VWCE: variants seen among roughly 807,000 people sequenced by gnomAD.
VWCE encodes the protein von Willebrand factor C and EGF domain-containing protein.
VWCE carries 68 observed loss-of-function variants against 102.9 expected under a neutral mutation model. The ratio of observed to expected loss-of-function variants is 0.66; its 90% CI spans 0.54 to 0.81. The LOEUF (loss-of-function observed/expected upper bound fraction) is 0.81. VWCE is among the 30% of genes least tolerant of loss of function. The pLI is 0.00. For synonymous variants in VWCE, 497 were observed against 515.4 expected (o/e 0.96, Z 0.48); for missense variants, 1,137 against 1,263.6 (o/e 0.90, Z 1.52).
chr11:61,280,896 G>T lies in VWCE; in HGVS notation c.1127C>A (p.Ser376Tyr), dbSNP rs562553762. Residue 376 changes from serine (S) to tyrosine (Y), a missense_variant, in exon 8 of 20, where the codon TCC becomes TAC. Transcript: ENST00000335613. ...AGAGGGCCCTGCTGCCAGTCGGGGGGACTCAGGGCCCCTGGGTGAGGAAGG... is the reference window on the plus strand; with the variant it reads ...AGAGGGCCCTGCTGCCAGTCGGGGGTACTCAGGGCCCCTGGGTGAGGAAGG... ...GTPSSPRGPE[S>Y]PRLAAGPSPC... The T allele has an allele frequency of 1.9e-5, 29 of 1,531,084 alleles. No homozygotes were observed. The highest frequency in any genetic ancestry group is 5.5e-5 in the African/African-American group (4 of 72,220). 94.8% of individuals were successfully genotyped at this position (1,531,084 alleles called of 1,614,324 possible).
In VWCE at chr11:61,294,802, T is replaced by C. The variant is rs2134870745; in HGVS notation, c.110+126A>G. ...CGTCCCCGAGCTGTGCCCGCGCTGA[T>C]AGCACCCCAGAGGAAGCCCCGACAC... On this transcript the variant is annotated intron_variant, in intron 1 of 19. Coordinates refer to ENST00000335613, the MANE Select transcript of VWCE (RefSeq NM_152718.2). The surrounding 1 kb of genome is among the most constrained non-coding windows in gnomAD (Gnocchi z 6.3). The C allele has an allele frequency of 1.8e-6, 1 of 553,966 alleles. No homozygotes were observed. Among genetic ancestry groups the C allele is most frequent in the Non-Finnish European group, 2.8e-6 (1 of 353,004 alleles). 34.3% of individuals were successfully genotyped at this position (553,966 alleles called of 1,614,324 possible).
Position 61,259,190 on chromosome 11 carries a change from C to T in VWCE, c.2353G>A (p.Gly785Arg). 1.2e-6 allele frequency: 2 copies of T among 1,614,182 alleles called. No individual in the cohort carries two copies. The highest frequency in any genetic ancestry group is 1.7e-6 in the Non-Finnish European group (2 of 1,180,032). The stretch of plus-strand genomic sequence containing the variant: ...CTCGAGGGTGATGCTGTCGGGGGCC[C>T]AGGACAGGAGCTACAGTTGACAGGG... ...EAPVNCSSCP[G>R]PPTASPSRPV... Residue 785 changes from glycine to arginine, a missense_variant, in exon 20 of 20, where the codon GGG becomes AGG. Gly to Arg is a moderately radical substitution (Grantham distance 125). This residue lies in a region of VWCE where 316 missense variants were observed against 319.3 expected (regional missense o/e 0.99). Transcript: ENST00000335613.
Position 61,268,909 on chromosome 11 carries a change from G to A in VWCE, c.1882+13C>T, listed in dbSNP as rs775961736. Reference sequence around the variant, plus strand: ...CCCTGCCCTGGGGGCTTGGGGCAGAGGCAGGGGATTACCTGCTGAACAGTC... The same window carrying A: ...CCCTGCCCTGGGGGCTTGGGGCAGAAGCAGGGGATTACCTGCTGAACAGTC... On this transcript the variant is annotated intron_variant, in intron 15 of 19. Transcript: ENST00000335613. 6.2e-7 allele frequency: 1 copy of A among 1,613,708 alleles called. No homozygotes were observed. The highest frequency in any genetic ancestry group is 8.5e-7 in the Non-Finnish European group (1 of 1,179,786).
intron 3 of VWCE, 67 bp downstream of exon 3, chr11:61,291,197 A>C (rs948873131): frequency 7.0e-6 from 10 of 1,433,292 alleles, no homozygotes; most frequent in Non-Finnish European, 9.3e-6. Context: ...TCAAGTGCCC[A>C]CTGCCCAGGA....
Position 61,258,565 on chromosome 11 carries a change from G to A in VWCE, c.*110C>T, listed in dbSNP as rs1003891921. ...TTCCATCCTCACCAGGGCCCCTGCA[G>A]GAGGGAGCCCAGGCATCCCCACCAG... On this transcript the variant is annotated 3_prime_UTR_variant, in exon 20 of 20. Coordinates refer to ENST00000335613, the MANE Select transcript of VWCE (RefSeq NM_152718.2). 1.0e-5 allele frequency: 12 copies of A among 1,145,534 alleles called. No homozygotes were observed. In the African/African-American group the frequency reaches 1.8e-4, roughly 17 times the overall value. The allele number at this position is 1,145,534 out of a possible 1,614,324, so 71.0% of individuals were successfully genotyped here. A position where few individuals can be genotyped will look rare whatever the true frequency, so the allele number is the denominator to read the frequency against.
At position 61,264,571 on chromosome 11, in the gene VWCE, C is replaced by A; in HGVS notation, c.2146G>T (p.Glu716Ter). The change falls in exon 19 of 20, where the codon GAG (glutamate) becomes TAG (stop). Residue 716 changes from glutamate (E) to a stop codon, truncating the protein, a stop_gained. Transcript: ENST00000335613. LOFTEE classifies it high-confidence loss of function. ...CAGGGAACCTTCTCACAGCTCACCT[C>A]TCCCAGCTGGGGAAGCAGAAGGAAC... ...PCTRCTCQLG[E>*]VSCEKVPCQR... 1 of 1,609,196 alleles carries A rather than the reference C, an allele frequency of 6.2e-7. No homozygotes were observed. The highest frequency in any genetic ancestry group is 2.2e-5 in the East Asian group (1 of 44,764).
chr11:61,268,143 C>T (rs1037730844), intron 15 of VWCE, among the ~76,000 whole-genome samples: 1 of 151,004 alleles, frequency 6.6e-6, no homozygotes, highest in Non-Finnish European at 1.5e-5. Context: ...TGTACATCTA[C>T]TAAATGTGTG....
At position 61,258,439 on chromosome 11, in the gene VWCE, G is replaced by A. The variant is rs941316313; in HGVS notation, c.*236C>T. 16 of 389,302 alleles carry A rather than the reference G, an allele frequency of 4.1e-5. No homozygotes were observed. Among genetic ancestry groups the A allele is most frequent in the South Asian group, 1.4e-4 (1 of 7,122 alleles). 24.1% of individuals were successfully genotyped at this position (389,302 alleles called of 1,614,324 possible). ...CCTTCTCAAAAGATGAGCCAGCCAC[G>A]CGGTCCAGGGAGGATGCTGACAGTG... On this transcript the variant is annotated 3_prime_UTR_variant, in exon 20 of 20. Transcript: ENST00000335613.
intron 14 of VWCE, among the ~76,000 whole-genome samples, chr11:61,270,695 C>A (rs939517743): frequency 2.0e-5 from 3 of 152,160 alleles, no homozygotes; most frequent in Non-Finnish European, 4.4e-5. Context: ...CAGAAACAGC[C>A]TGAACAACTG....
At chr11:61,274,678 T>A in intron 11 of VWCE, 94 bp from the exon 12 acceptor site, 1 of 1,052,456 alleles carries the variant, frequency 9.5e-7, no homozygotes, top group Non-Finnish European at 1.4e-6. Flanking sequence ...CCGGGGCACT[T>A]AACACACACC....
chr11:61,274,170 C>A (rs7927754), intron 12 of VWCE, among the ~76,000 whole-genome samples: 2 of 152,214 alleles, frequency 1.3e-5, no homozygotes, highest in East Asian at 3.9e-4. Flanking sequence ...CTTAACATCC[C>A]GCCTTCCAAA....
At chr11:61,278,825 G>A (rs1855017897) in intron 9 of VWCE, among the ~76,000 whole-genome samples, 1 of 152,156 alleles carries the variant, frequency 6.6e-6, no homozygotes, top group Admixed American at 6.5e-5. Context: ...CAGACCACAA[G>A]GTCAGGAGTT....
chr11:61,262,656 G>A (rs932776975), intron 19 of VWCE, among the ~76,000 whole-genome samples: 4 of 152,048 alleles, frequency 2.6e-5, no homozygotes, highest in African/African-American at 9.7e-5. Context: ...GGCGCCACCC[G>A]CCCTAAAAGC....
At position 61,259,168 on chromosome 11, in the gene VWCE, G is replaced by T; in HGVS notation, c.2375C>A (p.Ser792Ter). Residue 792 changes from serine (S) to a stop codon, truncating the protein, a stop_gained, in exon 20 of 20, where the codon TCG (serine) becomes TAG (stop). Coordinates refer to ENST00000335613, the MANE Select transcript of VWCE (RefSeq NM_152718.2). LOFTEE classifies it low-confidence loss of function (END_TRUNC). ...SCPGPPTASPSRPVLHLLQLL... is the reference protein window; with the variant it reads ...SCPGPPTASP ...CTGGAGGAGATGAAGCACCGGCCTC[G>T]AGGGTGATGCTGTCGGGGGCCCAGG... The T allele has an allele frequency of 6.2e-7, 1 of 1,614,178 alleles. No individual in the cohort carries two copies. Among genetic ancestry groups the T allele is most frequent in the Non-Finnish European group, 8.5e-7 (1 of 1,180,028 alleles).
chr11:61,260,923 C>G lies in VWCE; in HGVS notation c.2231-1611G>C, dbSNP rs367735346. On this transcript the variant is annotated intron_variant, in intron 19 of 19. Transcript: ENST00000335613. ...AAAAAGAAAATGAAGAGTGAAGAAGCAAAAAAAGAAAAAGTATCGGCCCAG... is the reference window on the plus strand; with the variant it reads ...AAAAAGAAAATGAAGAGTGAAGAAGGAAAAAAAGAAAAAGTATCGGCCCAG... 1.6e-3 allele frequency among the ~76,000 whole-genome samples: 247 copies of G among 151,824 alleles called. 7 individuals carry two copies. In the South Asian group the frequency reaches 0.048, roughly 30 times the overall value.
chr11:61,293,332 G>T (rs568505755), intron 1 of VWCE, among the ~76,000 whole-genome samples: 1 of 148,682 alleles, frequency 6.7e-6, no homozygotes, highest in African/African-American at 2.5e-5. Flanking sequence ...CATGAGAATC[G>T]CTTGAACCCA....
At position 61,286,375 on chromosome 11, in the gene VWCE, A is replaced by G; in HGVS notation, c.480T>C (p.Gly160=). 6.2e-7 allele frequency: 1 copy of G among 1,612,394 alleles called. No individual in the cohort carries two copies. The highest frequency in any genetic ancestry group is 8.5e-7 in the Non-Finnish European group (1 of 1,179,960). The change falls in exon 5 of 20, where the codon GGT becomes GGC. Residue 160 remains glycine (G), a synonymous_variant. Transcript: ENST00000335613. ...SCEGHCVNTE[G]GFVCECGPGM... Reference sequence around the variant, plus strand: ...CCGGCCCACACTCGCACACAAACCCACCTTCTGTGTTCACACAGTGGCCCT... The same window carrying G: ...CCGGCCCACACTCGCACACAAACCCGCCTTCTGTGTTCACACAGTGGCCCT...
intron 10 of VWCE, among the ~76,000 whole-genome samples, chr11:61,277,753 C>A (rs1049755864): frequency 3.3e-5 from 5 of 152,132 alleles, no homozygotes; most frequent in African/African-American, 4.8e-5. Context: ...TAAAGCTGAC[C>A]CCGAAGAGCT....
intron 11 of VWCE, among the ~76,000 whole-genome samples, chr11:61,275,896 C>T (rs117867053): frequency 6.6e-6 from 1 of 152,332 alleles, no homozygotes; most frequent in Non-Finnish European, 1.5e-5. Context: ...CTCCATCCTG[C>T]CTGAGCTGAA....
Sources: gnomAD v4.1 joint callset for allele counts (sites outside exome capture counted in the v4.1 genomes callset) on GRCh38, gnomAD v4.1.1 for gene constraint, gnomAD v4.1.1 regional missense constraint, Gnocchi (gnomAD v3.1) non-coding constraint, MANE v1.5 for transcripts, NCBI Gene and HGNC (gene_info 2026-07-23, HGNC 2026-07-21) for gene names.